The following ZBTB20 variants were observed in gnomAD, a reference collection of about 807,000 sequenced individuals.
ZBTB20 encodes the protein zinc finger and BTB domain-containing protein 20.
In ZBTB20, 9 loss-of-function variants were observed where a neutral mutation model predicts 56.9. The observed-to-expected ratio is 0.16, with a 90% CI of 0.10 to 0.28. The LOEUF (loss-of-function observed/expected upper bound fraction) is 0.28. Among genes scored for constraint, ZBTB20 ranks in the 10% least tolerant of loss-of-function variants. The pLI, the probability that ZBTB20 is intolerant of heterozygous loss-of-function variation, is 1.00. For missense variants in ZBTB20, 655 were observed against 1,003.0 expected (o/e 0.65, Z 4.69); for synonymous variants, 417 against 420.7 (o/e 0.99, Z 0.11).
intron 7 of ZBTB20, among the ~76,000 whole-genome samples, chr3:114,400,200 G>A (rs2086693680): frequency 6.6e-6 from 1 of 152,132 alleles, no homozygotes; most frequent in Non-Finnish European, 1.5e-5. Context: ...CCATGGCCAA[G>A]TCACTAACTT....
intron 5 of ZBTB20, among the ~76,000 whole-genome samples, chr3:114,724,441 T>C (rs556693457): frequency 1.2e-3 from 178 of 152,306 alleles, no homozygotes; most frequent in Middle Eastern, 3.4e-3. Context: ...CAGCTGCCTT[T>C]TTAGAAAGAG....
chr3:115,048,109 C>G (rs956411826), intron 2 of ZBTB20, among the ~76,000 whole-genome samples: 12 of 152,100 alleles, frequency 7.9e-5, no homozygotes, highest in African/African-American at 2.9e-4. Context: ...CCTGTGGTCC[C>G]AGCTACTTGG....
chr3:114,777,694 G>A (rs572252443), intron 5 of ZBTB20, among the ~76,000 whole-genome samples: 163 of 152,232 alleles, frequency 1.1e-3, no homozygotes, highest in African/African-American at 3.0e-3. Flanking sequence ...TGGCGATTCC[G>A]CAGGGGTCTA....
intron 5 of ZBTB20, among the ~76,000 whole-genome samples, chr3:114,771,121 G>A (rs1231170675): frequency 6.6e-6 from 1 of 151,502 alleles, no homozygotes; most frequent in Non-Finnish European, 1.5e-5. Flanking sequence ...TTTTTCATTT[G>A]TATTACTTAA....
intron 6 of ZBTB20, chr3:114,528,913 C>T (rs1315697253): frequency 6.6e-6 from 1 of 152,160 alleles, no homozygotes; most frequent in Non-Finnish European, 1.5e-5. Flanking sequence ...TCCCTACCAA[C>T]ACTGTGGGCT....
At chr3:115,032,789 C>A (rs1481277371) in intron 2 of ZBTB20, among the ~76,000 whole-genome samples, 3 of 150,884 alleles carry the variant, frequency 2.0e-5, no homozygotes, top group African/African-American at 4.9e-5. Flanking sequence ...AAAGAAATCA[C>A]AAGAGAAATT....
At chr3:114,509,422 T>TGTGGTG (rs199590803) in intron 6 of ZBTB20, among the ~76,000 whole-genome samples, 30 of 150,082 alleles carry the variant, frequency 2.0e-4, no homozygotes, top group East Asian at 1.2e-3. Context: ...TGTGTGTGTG[T>TGTGGTG]GTGGTGGTGG....
At chr3:114,407,063 C>T (rs529378650) in intron 7 of ZBTB20, among the ~76,000 whole-genome samples, 317 of 152,284 alleles carry the variant, frequency 2.1e-3, no homozygotes, top group Non-Finnish European at 3.5e-3. Context: ...CTCAGCCTAA[C>T]GGCCACAGAC....
At chr3:115,087,801 CA>C (rs2083042749) in intron 1 of ZBTB20, among the ~76,000 whole-genome samples, 1 of 151,928 alleles carries the variant, frequency 6.6e-6, no homozygotes, top group Non-Finnish European at 1.5e-5. Flanking sequence ...ATTTCCTGGA[CA>C]AAACCTCACC....
intron 4 of ZBTB20, among the ~76,000 whole-genome samples, chr3:114,820,889 A>C (rs908384256): frequency 6.6e-6 from 1 of 152,084 alleles, no homozygotes; most frequent in Admixed American, 6.6e-5. Flanking sequence ...TTATTGATAA[A>C]ATTTACCTAC....
intron 1 of ZBTB20, among the ~76,000 whole-genome samples, chr3:115,132,733 C>T (rs2084542081): frequency 6.6e-6 from 1 of 151,862 alleles, no homozygotes; most frequent in Admixed American, 6.6e-5. Flanking sequence ...CCACTGCACT[C>T]CAGCCTGGGT....
intron 5 of ZBTB20, among the ~76,000 whole-genome samples, chr3:114,731,954 T>G (rs2065796773): frequency 6.6e-6 from 1 of 152,192 alleles, no homozygotes; most frequent in Non-Finnish European, 1.5e-5. Flanking sequence ...AATCTGGCTG[T>G]GCCTAGATTA....
At chr3:114,842,096 C>T (rs1434725965) in intron 4 of ZBTB20, among the ~76,000 whole-genome samples, 1 of 152,162 alleles carries the variant, frequency 6.6e-6, no homozygotes, top group Non-Finnish European at 1.5e-5. Context: ...GGCAACAGGA[C>T]TTCTTGAAGA....
chr3:114,847,482 G>A (rs900130515), intron 4 of ZBTB20, among the ~76,000 whole-genome samples: 5 of 152,088 alleles, frequency 3.3e-5, no homozygotes, highest in Admixed American at 3.3e-4. Flanking sequence ...GGAATTAAGA[G>A]AGTCTATTTT....
At chr3:114,604,543 A>C (rs1488240760) in intron 6 of ZBTB20, among the ~76,000 whole-genome samples, 1 of 152,026 alleles carries the variant, frequency 6.6e-6, no homozygotes, top group East Asian at 1.9e-4. Context: ...ATATATTTAA[A>C]AACTAAATGA....
intron 1 of ZBTB20, among the ~76,000 whole-genome samples, chr3:115,090,012 A>C (rs1288445207): frequency 6.6e-6 from 1 of 151,848 alleles, no homozygotes; most frequent in Non-Finnish European, 1.5e-5. Flanking sequence ...AAGAGTAATG[A>C]TTCTCAAACC....
chr3:114,603,815 T>C (rs2056938689), intron 6 of ZBTB20, among the ~76,000 whole-genome samples: 1 of 151,952 alleles, frequency 6.6e-6, no homozygotes, highest in Non-Finnish European at 1.5e-5. Flanking sequence ...ACTTATAATT[T>C]TAAAAATGCA....
chr3:114,662,302 C>T (rs1454880643), intron 6 of ZBTB20, among the ~76,000 whole-genome samples: 1 of 150,766 alleles, frequency 6.6e-6, no homozygotes, highest in Non-Finnish European at 1.5e-5. Context: ...TCCAGTCTAT[C>T]ATTGTTGGAC....
At chr3:114,432,012 C>T (rs886815395) in intron 7 of ZBTB20, among the ~76,000 whole-genome samples, 5 of 152,046 alleles carry the variant, frequency 3.3e-5, no homozygotes, top group African/African-American at 7.2e-5. Flanking sequence ...TGGAGAATAA[C>T]GGATGTGCAG....
Sources: allele counts gnomAD v4.1 joint callset (sites outside exome capture counted in the v4.1 genomes callset), GRCh38; gene constraint gnomAD v4.1.1; transcripts MANE v1.5; gene names NCBI Gene and HGNC (gene_info 2026-07-23, HGNC 2026-07-21).